RARG: variants seen among roughly 807,000 people sequenced by gnomAD.
RARG encodes retinoic acid receptor gamma, also known as RAR-gamma.
RARG carries 17 observed loss-of-function variants against 43.7 expected under a neutral mutation model. The ratio of observed to expected loss-of-function variants is 0.39; its 90% confidence interval spans 0.27 to 0.58. RARG has a LOEUF of 0.58. Ranked by LOEUF, RARG falls within the 20% of genes least tolerant of loss-of-function variation. The probability of loss-of-function intolerance (pLI) is 0.57; values close to 1 mark genes in which losing one functional copy is unlikely to be tolerated. For missense variants in RARG, 346 were observed against 598.7 expected (o/e 0.58, Z 4.40); for synonymous variants, 238 against 236.4 (o/e 1.01, Z -0.06).
chr12:53,218,686 CA>C (rs35433505), intron 3 of RARG, among the ~76,000 whole-genome samples: 64 of 147,098 alleles, frequency 4.4e-4, no homozygotes, highest in Middle Eastern at 6.9e-3. Flanking sequence ...GCTCTGGAAC[CA>C]AAAAAAAAAA....
intron 5 of RARG, 189 bp from the exon 6 acceptor site, chr12:53,214,795 C>G (rs1414649481): frequency 3.2e-6 from 2 of 617,046 alleles, no homozygotes; most frequent in African/African-American, 3.7e-5. Context: ...CCAGCCCCAC[C>G]CAGGGCCTGC....
rs1943252871 is a variant in RARG, at chr12:53,232,179, A to C, written c.-415T>G. Reference sequence around the variant, plus strand: ...AAATATCCGACACATTTTCTCCCAAACCGCACACTGACTCTGCAGGCGGGG... The same window carrying C: ...AAATATCCGACACATTTTCTCCCAACCCGCACACTGACTCTGCAGGCGGGG... On this transcript the variant is annotated 5_prime_UTR_variant, in exon 1 of 10. Transcript: ENST00000425354. 2 of 397,530 alleles carry C rather than the reference A, an allele frequency of 5.0e-6. No individual in the cohort carries two copies. The highest frequency in any genetic ancestry group is 4.1e-5 in the African/African-American group (2 of 48,244). The allele number at this position is 397,530 out of a possible 1,614,324, so 24.6% of individuals were successfully genotyped here.
rs757977915 is a variant in RARG, at chr12:53,213,249, G to T, written c.1019-6C>A. ...CTCCTCCAGGTCCATGCGGTCTATGGGGACAAGTATACTGGAGTGAGAGGG... is the reference window on the plus strand; with the variant it reads ...CTCCTCCAGGTCCATGCGGTCTATGTGGACAAGTATACTGGAGTGAGAGGG... On this transcript the variant is annotated splice_region_variant and splice_polypyrimidine_tract_variant and intron_variant, in intron 8 of 9. Transcript: ENST00000425354. This position sits in a 1 kb window ranked among gnomAD's most constrained non-coding sequence, Gnocchi z 4.7. 3.2e-6 allele frequency: 5 copies of T among 1,565,640 alleles called. No homozygotes were observed. In the South Asian group the frequency reaches 5.6e-5, roughly 17 times the overall value.
chr12:53,217,886 A>T (rs933958782), intron 3 of RARG, among the ~76,000 whole-genome samples: 1 of 152,190 alleles, frequency 6.6e-6, no homozygotes, highest in Non-Finnish European at 1.5e-5. Context: ...CGAGGCTCAG[A>T]GCTGAGCAGC....
chr12:53,216,026 C>G lies in RARG; in HGVS notation c.185-232G>C, dbSNP rs145801376. Among the ~76,000 whole-genome samples, 102 of 152,324 alleles carry G rather than the reference C, an allele frequency of 6.7e-4. 2 individuals are homozygous for G. In the East Asian group the frequency reaches 0.016, roughly 23 times the overall value. ...CCTCTACCCTCCACAGTCTAACCAACTTGTTCACAAGAATGCCAGCCCTCA... is the reference window on the plus strand; with the variant it reads ...CCTCTACCCTCCACAGTCTAACCAAGTTGTTCACAAGAATGCCAGCCCTCA... On this transcript the variant is annotated intron_variant, in intron 3 of 9. Transcript: ENST00000425354.
At chr12:53,220,108 C>G (rs1237396321) in intron 3 of RARG, 1 of 1,550,264 alleles carries the variant, frequency 6.5e-7, no homozygotes, top group Non-Finnish European at 8.7e-7. Context: ...CATCGCGACC[C>G]GGCTTGAAGG....
rs1943143865 is a variant in RARG at position 53,227,837 on chromosome 12, G to A, written c.-142-150C>T. On this transcript the variant is annotated intron_variant, in intron 2 of 9. Transcript: ENST00000425354. The surrounding 1 kb of genome is among the most constrained non-coding windows in gnomAD (Gnocchi z 4.3). ...AGGGCCCTTGCAGTGTGGTAGAGAG[G>A]GCACGGCAGGGGGTTATGCAGGCTC... 2 of 485,548 alleles carry A rather than the reference G, an allele frequency of 4.1e-6. No individual in the cohort carries two copies. The highest frequency in any genetic ancestry group is 3.1e-6 in the Non-Finnish European group (1 of 323,468). The allele number at this position is 485,548 out of a possible 1,614,324, so 30.1% of individuals were successfully genotyped here.
In RARG at chr12:53,219,158, C is replaced by G. The variant is rs1462435048; in HGVS notation, c.185-3364G>C. Among the ~76,000 whole-genome samples, 5 of 152,182 alleles carry G rather than the reference C, an allele frequency of 3.3e-5. 1 individual carries two copies. The highest frequency in any genetic ancestry group is 1.3e-4 in the Admixed American group (2 of 15,282). On this transcript the variant is annotated intron_variant, in intron 3 of 9. Coordinates refer to ENST00000425354, the MANE Select transcript of RARG (RefSeq NM_000966.6). The stretch of plus-strand genomic sequence containing the variant: ...CCGCTGTCAACTTCAGGCCACCCCC[C>G]ACCACACACACAGACTTTGCTTTAA...
At position 53,213,497 on chromosome 12, in the gene RARG, T is replaced by A. The variant is rs1474311064; in HGVS notation, c.1017A>T (p.Gly339=). ...AGACGCCAGGGGGCGCCCCCGCACC[T>A]CCGCAGATGAGGCAGATGGCGCTGA... is the stretch of plus-strand genomic sequence containing the variant. ...GLLSAICLIC[G]DRMDLEEPEK... Residue 339 remains glycine, a splice_region_variant and synonymous_variant, in exon 8 of 10, where the codon GGA becomes GGT. Transcript: ENST00000425354. This position sits in a 1 kb window ranked among gnomAD's most constrained non-coding sequence, Gnocchi z 4.7. The A allele has an allele frequency of 1.4e-5, 23 of 1,612,300 alleles. No individual in the cohort carries two copies. Among genetic ancestry groups the A allele is most frequent in the Non-Finnish European group, 1.9e-5 (23 of 1,179,926 alleles).
chr12:53,219,453 C>T (rs973432137), intron 3 of RARG, among the ~76,000 whole-genome samples: 21 of 152,218 alleles, frequency 1.4e-4, no homozygotes, highest in Non-Finnish European at 2.5e-4. Flanking sequence ...CATCCCCTCA[C>T]AGGCCATGTG....
At position 53,232,162 on chromosome 12, in the gene RARG, G is replaced by A. The variant is rs1332819673; in HGVS notation, c.-398C>T. On this transcript the variant is annotated 5_prime_UTR_variant, in exon 1 of 10. Transcript: ENST00000425354. ...CCCACGTGACCGCCCCAAAATATCC[G>A]ACACATTTTCTCCCAAACCGCACAC... The A allele has an allele frequency of 2.5e-6, 1 of 398,472 alleles. No individual in the cohort carries two copies. The allele number at this position is 398,472 out of a possible 1,614,324, so 24.7% of individuals were successfully genotyped here.
At chr12:53,221,357 A>T (rs1308939244) in intron 3 of RARG, among the ~76,000 whole-genome samples, 1 of 151,748 alleles carries the variant, frequency 6.6e-6, no homozygotes, top group Non-Finnish European at 1.5e-5. Flanking sequence ...ACTACCCCAT[A>T]AGCTGTGCCT....
chr12:53,214,939 A>T, intron 5 of RARG: 2 of 358,660 alleles, frequency 5.6e-6, no homozygotes, highest in Non-Finnish European at 1.0e-5. Context: ...AATGGGGGCG[A>T]GGGGGGGGTG....
chr12:53,227,268 C>A lies in RARG; in HGVS notation c.184+94G>T. The A allele has an allele frequency of 7.5e-7, 1 of 1,340,552 alleles. No individual in the cohort carries two copies. The highest frequency in any genetic ancestry group is 1.5e-5 in the South Asian group (1 of 65,992). 83.0% of individuals were successfully genotyped at this position (1,340,552 alleles called of 1,614,324 possible). A position where few individuals can be genotyped will look rare whatever the true frequency, so the allele number is the denominator to read the frequency against. Reference sequence around the variant, plus strand: ...GGCCAAACCCCTGTCCCCTGCCTGCCTTCCTAACTGGGGTGCCAACTCTTT... The same window carrying A: ...GGCCAAACCCCTGTCCCCTGCCTGCATTCCTAACTGGGGTGCCAACTCTTT... On this transcript the variant is annotated intron_variant, in intron 3 of 9. Coordinates refer to ENST00000425354, the MANE Select transcript of RARG (RefSeq NM_000966.6). This position sits in a 1 kb window ranked among gnomAD's most constrained non-coding sequence, Gnocchi z 4.3.
chr12:53,213,560 G>A lies in RARG; in HGVS notation c.954C>T (p.Leu318=), dbSNP rs1942671703. The A allele has an allele frequency of 6.2e-7, 1 of 1,614,164 alleles. No homozygotes were observed. The highest frequency in any genetic ancestry group is 1.7e-5 in the Admixed American group (1 of 60,028). ...CGGTGTCATCCATCTCCAGGGGCAG[G>A]AGCTGCCCAGCAAAGGCAAAGACAA... ...TDLVFAFAGQ[L]LPLEMDDTET... Residue 318 remains leucine (L), a synonymous_variant, in exon 8 of 10, where the codon CTC becomes CTT. Coordinates refer to ENST00000425354, the MANE Select transcript of RARG (RefSeq NM_000966.6). This position sits in a 1 kb window ranked among gnomAD's most constrained non-coding sequence, Gnocchi z 4.7.
intron 9 of RARG, among the ~76,000 whole-genome samples, chr12:53,212,632 A>G (rs112967858): frequency 0.012 from 1,766 of 152,210 alleles, 36 homozygotes; most frequent in African/African-American, 0.04. Flanking sequence ...TAACTAATTT[A>G]GTCCTCAAGA....
chr12:53,220,932 C>T (rs1192720127), intron 3 of RARG, among the ~76,000 whole-genome samples: 1 of 152,106 alleles, frequency 6.6e-6, no homozygotes. Context: ...GCTCCGCCCT[C>T]GCCCTCCGCG....
intron 5 of RARG, chr12:53,214,818 T>G: frequency 1.2e-5 from 6 of 521,006 alleles, no homozygotes; most frequent in Non-Finnish European, 1.7e-5. Context: ...CCCCTGCTCC[T>G]TCCCCAGGCC....
At chr12:53,219,926 C>T (rs901749058) in intron 3 of RARG, 3 of 1,491,734 alleles carry the variant, frequency 2.0e-6, no homozygotes, top group Admixed American at 2.3e-5. Context: ...ACCCTACACC[C>T]CAGCCCCGGA....
Sources: gnomAD v4.1 joint callset for allele counts (sites outside exome capture counted in the v4.1 genomes callset) on GRCh38, gnomAD v4.1.1 for gene constraint, Gnocchi (gnomAD v3.1) non-coding constraint, MANE v1.5 for transcripts, NCBI Gene and HGNC (gene_info 2026-07-23, HGNC 2026-07-21) for gene names.